CDH1: variants seen among roughly 807,000 people sequenced by gnomAD.
The protein encoded by CDH1 is cadherin 1, also known as cadherin-1.
A neutral mutation model predicts 84.5 loss-of-function variants in CDH1; 35 were observed. The ratio of observed to expected loss-of-function variants is 0.41; its 90% CI spans 0.32 to 0.55. The LOEUF is 0.55. CDH1 is among the 20% of genes least tolerant of loss of function. The probability of loss-of-function intolerance (pLI) is 0.19; values close to 1 mark genes in which losing one functional copy is unlikely to be tolerated. For missense variants in CDH1, 994 were observed against 1,126.6 expected (o/e 0.88, Z 1.68); for synonymous variants, 417 against 439.0 (o/e 0.95, Z 0.63).
rs748906857 is a variant in CDH1, at chr16:68,815,706, A to G, written c.1512A>G (p.Glu504=). 1.9e-6 allele frequency: 3 copies of G among 1,614,284 alleles called. No homozygotes were observed. Among genetic ancestry groups the G allele is most frequent in the Non-Finnish European group, 2.5e-6 (3 of 1,180,058 alleles). ...EVSEDFGVGQ[E]ITSYTAQEPD... ...CCGAGGACTTTGGCGTGGGCCAGGA[A>G]ATCACATCCTACACTGCCCAGGAGC... The change falls in exon 10 of 16, where the codon GAA becomes GAG. Residue 504 remains glutamate (E), a synonymous_variant. Coordinates refer to ENST00000261769, the MANE Select transcript of CDH1 (RefSeq NM_004360.5).
chr16:68,737,485 G>A lies in CDH1; in HGVS notation c.48+22G>A, dbSNP rs752426089. On this transcript the variant is annotated intron_variant, in intron 1 of 15. Transcript: ENST00000261769. ...GCAGGTACCCCGGATCCCCTGACTT[G>A]CGAGGGACGCATTCGGGCCGCAAGC... 111 of 1,534,416 alleles carry A rather than the reference G, an allele frequency of 7.2e-5. No individual in the cohort carries two copies. The African/African-American group carries it at 1.4e-3, about 19-fold the overall frequency.
In CDH1 at chr16:68,801,727, G is replaced by T. The variant is rs761562625; in HGVS notation, c.221G>T (p.Arg74Leu). Residue 74 changes from arginine (R) to leucine (L), a missense_variant, in exon 3 of 16, where the codon CGA becomes CTA. By Grantham distance (102) the Arg-to-Leu change is moderately radical (BLOSUM62 -2). Coordinates refer to ENST00000261769, the MANE Select transcript of CDH1 (RefSeq NM_004360.5). The stretch of plus-strand genomic sequence containing the variant: ...ACAGCCTATTTTTCCCTCGACACCC[G>T]ATTCAAAGTGGGCACAGATGGTGTG... ...QRTAYFSLDT[R>L]FKVGTDGVIT... 1 of 1,614,008 alleles carries T rather than the reference G, an allele frequency of 6.2e-7. No homozygotes were observed. Among genetic ancestry groups the T allele is most frequent in the African/African-American group, 1.3e-5 (1 of 74,914 alleles).
At position 68,808,489 on chromosome 16, in the gene CDH1, A is replaced by G. The variant is rs2152129704; in HGVS notation, c.453A>G (p.Arg151=). The change falls in exon 4 of 16, where the codon AGA becomes AGG. Residue 151 remains arginine, a synonymous_variant. Coordinates refer to ENST00000261769, the MANE Select transcript of CDH1 (RefSeq NM_004360.5). ...CCAACTCCTCTCCTGGCCTCAGAAG[A>G]CAGAAGAGAGACTGGGTTATTCCTC... ...TFPNSSPGLR[R]QKRDWVIPPI... The G allele has an allele frequency of 6.2e-7, 1 of 1,614,084 alleles. No homozygotes were observed. Among genetic ancestry groups the G allele is most frequent in the Non-Finnish European group, 8.5e-7 (1 of 1,179,934 alleles).
In CDH1 at chr16:68,813,318, G is replaced by A. The variant is rs143727462; in HGVS notation, c.1143G>A (p.Lys381=). Residue 381 remains lysine, a synonymous_variant, in exon 9 of 16, where the codon AAG becomes AAA. Coordinates refer to ENST00000261769, the MANE Select transcript of CDH1 (RefSeq NM_004360.5). ...NPPIFNPTTY[K]GQVPENEANV... ...CACATCTCTTTGCTCTGCAGTACAAGGGTCAGGTGCCTGAGAACGAGGCTA... is the reference window on the plus strand; with the variant it reads ...CACATCTCTTTGCTCTGCAGTACAAAGGTCAGGTGCCTGAGAACGAGGCTA... 6 of 1,614,158 alleles carry A rather than the reference G, an allele frequency of 3.7e-6. No homozygotes were observed. Among genetic ancestry groups the A allele is most frequent in the Non-Finnish European group, 3.4e-6 (4 of 1,180,030 alleles).
At chr16:68,830,430 G>T (rs971485343) in intron 15 of CDH1, among the ~76,000 whole-genome samples, 1 of 152,074 alleles carries the variant, frequency 6.6e-6, no homozygotes, top group Non-Finnish European at 1.5e-5. Context: ...TACTTCCCTT[G>T]CCTCCCACTG....
rs114943846 is a variant in CDH1, at chr16:68,761,962, C to T, written c.163+23551C>T. ...CTCTGGTCCTTTAGCCCAGATCCAC[C>T]GGCTGCCTCCTCCTGCCAGTTCTGC... On this transcript the variant is annotated intron_variant, in intron 2 of 15. Coordinates refer to ENST00000261769, the MANE Select transcript of CDH1 (RefSeq NM_004360.5). Among the ~76,000 whole-genome samples the T allele has an allele frequency of 2.6e-3, 400 of 152,296 alleles. 3 individuals carry two copies. The highest frequency in any genetic ancestry group is 9.1e-3 in the African/African-American group (377 of 41,566).
At chr16:68,745,564 G>GTATATATATATA (rs1380951369) in intron 2 of CDH1, among the ~76,000 whole-genome samples, 1 of 112,546 alleles carries the variant, frequency 8.9e-6, no homozygotes, top group African/African-American at 3.6e-5. Context: ...ATATATATAT[G>GTATATATATATA]TATATATATA....
rs587782476 is a variant in CDH1, at chr16:68,737,444, C to CGCT, written c.44_46dup (p.Leu15dup). On this transcript the variant is annotated inframe_insertion, in exon 1 of 16. Transcript: ENST00000261769. Reference sequence around the variant, plus strand: ...GGCCCTTGGAGCCGCAGCCTCTCGGCGCTGCTGCTGCTGCTGCAGGTACCC... The same window carrying CGCT: ...GGCCCTTGGAGCCGCAGCCTCTCGGCGCTGCTGCTGCTGCTGCTGCAGGTACCC... The CGCT allele has an allele frequency of 3.6e-5, 54 of 1,489,836 alleles. No individual in the cohort carries two copies. Among genetic ancestry groups the CGCT allele is most frequent in the South Asian group, 9.7e-5 (8 of 82,462 alleles). 92.3% of individuals were successfully genotyped at this position (1,489,836 alleles called of 1,614,324 possible).
chr16:68,745,411 A>C (rs1292070345), intron 2 of CDH1, among the ~76,000 whole-genome samples: 1 of 150,792 alleles, frequency 6.6e-6, no homozygotes, highest in Admixed American at 6.6e-5. Context: ...GCGTGGTGGC[A>C]TGTGCATGTA....
chr16:68,824,750 T>C (rs543902905), intron 13 of CDH1, among the ~76,000 whole-genome samples: 1 of 152,350 alleles, frequency 6.6e-6, no homozygotes, highest in East Asian at 1.9e-4. Flanking sequence ...ACACAGGAGC[T>C]GTTATGGTCA....
At chr16:68,809,973 T>G (rs961764234) in intron 5 of CDH1, among the ~76,000 whole-genome samples, 4 of 152,112 alleles carry the variant, frequency 2.6e-5, no homozygotes, top group African/African-American at 9.7e-5. Flanking sequence ...GTGTGGGAAA[T>G]GGGAGGTCTG....
chr16:68,832,577 T>C (rs1230131496), intron 15 of CDH1, among the ~76,000 whole-genome samples: 3 of 152,152 alleles, frequency 2.0e-5, no homozygotes, highest in Non-Finnish European at 4.4e-5. Flanking sequence ...CCCAGCACTT[T>C]GGGAGGCCGA....
intron 2 of CDH1, among the ~76,000 whole-genome samples, chr16:68,773,685 T>C (rs1302266395): frequency 6.6e-6 from 1 of 152,214 alleles, no homozygotes; most frequent in African/African-American, 2.4e-5. Context: ...GACTGTATTA[T>C]CTCCAATTTG....
In CDH1 at chr16:68,833,953, C is replaced by A; in HGVS notation, c.*454C>A. 1 of 336,336 alleles carries A rather than the reference C, an allele frequency of 3.0e-6. No individual in the cohort carries two copies. Among genetic ancestry groups the A allele is most frequent in the Non-Finnish European group, 5.5e-6 (1 of 180,340 alleles). The allele number at this position is 336,336 out of a possible 1,614,324, so 20.8% of individuals were successfully genotyped here. ...CTGCTCATTACTACACTGGTGTGTC[C>A]CTCTGCCTTTTTTTTTTTTTTAAGA... On this transcript the variant is annotated 3_prime_UTR_variant, in exon 16 of 16. Coordinates refer to ENST00000261769, the MANE Select transcript of CDH1 (RefSeq NM_004360.5).
intron 2 of CDH1, among the ~76,000 whole-genome samples, chr16:68,746,097 G>A (rs1453072788): frequency 2.0e-5 from 3 of 152,188 alleles, no homozygotes; most frequent in African/African-American, 4.8e-5. Context: ...GATCGCACGC[G>A]TGAGCCACCA....
chr16:68,782,824 G>A (rs534304132), intron 2 of CDH1, among the ~76,000 whole-genome samples: 192 of 151,946 alleles, frequency 1.3e-3, no homozygotes, highest in African/African-American at 3.9e-3. Context: ...TTGCCCCTCC[G>A]TCCCTGGACC....
At chr16:68,822,469 T>G in intron 12 of CDH1, 1 of 580,200 alleles carries the variant, frequency 1.7e-6, no homozygotes, top group Non-Finnish European at 3.1e-6. Flanking sequence ...TCCCAGCCTC[T>G]AGCCACCCTC....
At position 68,785,294 on chromosome 16, in the gene CDH1, C is replaced by T. The variant is rs146335673; in HGVS notation, c.164-16376C>T. Among the ~76,000 whole-genome samples the T allele has an allele frequency of 2.5e-4, 38 of 152,176 alleles. 2 individuals are homozygous for T. In the East Asian group the frequency reaches 5.8e-3, roughly 23 times the overall value. On this transcript the variant is annotated intron_variant, in intron 2 of 15. Coordinates refer to ENST00000261769, the MANE Select transcript of CDH1 (RefSeq NM_004360.5). Reference sequence around the variant, plus strand: ...GCAACCTCTGCCTCCCAGAATCAAGCGATTCTCCTCCCTCAGCCTCCCAAG... The same window carrying T: ...GCAACCTCTGCCTCCCAGAATCAAGTGATTCTCCTCCCTCAGCCTCCCAAG...
intron 15 of CDH1, among the ~76,000 whole-genome samples, chr16:68,830,141 G>A (rs910244626): frequency 6.6e-6 from 1 of 151,650 alleles, no homozygotes; most frequent in African/African-American, 2.4e-5. Flanking sequence ...TTTAATAGAG[G>A]CAGGGTTTCT....
Sources: gnomAD v4.1 joint callset for allele counts (sites outside exome capture counted in the v4.1 genomes callset) on GRCh38, gnomAD v4.1.1 for gene constraint, MANE v1.5 for transcripts, NCBI Gene and HGNC (gene_info 2026-07-23, HGNC 2026-07-21) for gene names.